The following LAMA3 variants were observed in gnomAD, a reference collection of about 807,000 sequenced individuals.
LAMA3 encodes laminin subunit alpha 3, also known as laminin subunit alpha-3.
Under a neutral mutation model 402.0 loss-of-function variants are expected in LAMA3, and 281 were observed. The observed-to-expected ratio is 0.70, with a 90% CI of 0.63 to 0.77. LAMA3 has a LOEUF of 0.77. Among genes scored for constraint, LAMA3 ranks in the 30% least tolerant of loss-of-function variants. The pLI is 0.00. For synonymous variants in LAMA3, 1,431 were observed against 1,558.4 expected (o/e 0.92, Z 1.93); for missense variants, 3,840 against 4,215.5 (o/e 0.91, Z 2.47).
At chr18:23,727,306 TTTGATTGATTGA>T (rs71163638) in intron 2 of LAMA3, among the ~76,000 whole-genome samples, 5 of 148,952 alleles carry the variant, frequency 3.4e-5, no homozygotes, top group South Asian at 2.1e-4. Flanking sequence ...TCTGTCCTTG[TTTGATTGATTGA>T]TTGATTGATT....
rs747580864 is a variant in LAMA3 at position 23,784,026 on chromosome 18, G to A, written c.1472G>A (p.Cys491Tyr). The A allele has an allele frequency of 1.2e-6, 2 of 1,614,164 alleles. No homozygotes were observed. The highest frequency in any genetic ancestry group is 3.3e-5 in the Admixed American group (2 of 60,022). ...EDPVAGDIKG[C>Y]DCNLEGVLPE... ...GAAAGTTTCCTGTCTTCTGCAGGGT[G>A]TGACTGTAATCTGGAAGGTGTTCTC... The change falls in exon 12 of 75, where the codon TGT becomes TAT. Residue 491 changes from cysteine (C) to tyrosine (Y), a missense_variant. This residue lies in a region of LAMA3 where 2,109 missense variants were observed against 2,376.0 expected (regional missense o/e 0.89). Coordinates refer to ENST00000313654, the MANE Select transcript of LAMA3 (RefSeq NM_198129.4).
Position 23,951,777 on chromosome 18 carries a change from G to C in LAMA3, c.9736G>C (p.Val3246Leu). ...TGATGGACAGTGGCACTCGGTGGCA[G>C]GTATGTTGTCCAGTAGCTGATTGTT... ...LCDGQWHSVAVTIKQHILHLE... is the reference protein window; with the variant it reads ...LCDGQWHSVALTIKQHILHLE... Residue 3246 changes from valine (V) to leucine (L), a missense_variant and splice_region_variant, in exon 73 of 75, where the codon GTC becomes CTC. Physicochemically the swap from Val to Leu is conservative, Grantham distance 32 (BLOSUM62 1). Coordinates refer to ENST00000313654, the MANE Select transcript of LAMA3 (RefSeq NM_198129.4). 1 of 1,611,194 alleles carries C rather than the reference G, an allele frequency of 6.2e-7. No homozygotes were observed.
At position 23,895,005 on chromosome 18, in the gene LAMA3, G is replaced by A. The variant is rs778590407; in HGVS notation, c.5560G>A (p.Ala1854Thr). 34 of 1,612,736 alleles carry A rather than the reference G, an allele frequency of 2.1e-5. 1 individual carries two copies. The highest frequency in any genetic ancestry group is 2.0e-4 in the Admixed American group (12 of 59,808). The change falls in exon 44 of 75, where the codon GCA becomes ACA. Residue 1854 changes from alanine to threonine, a missense_variant. Physicochemically the swap from Ala to Thr is moderately conservative, Grantham distance 58. Coordinates refer to ENST00000313654, the MANE Select transcript of LAMA3 (RefSeq NM_198129.4). ...TCAGCTGCAGGGCCTGAGTGCCAGC[G>A]CAGGGCTTCTGGAGCAGATGAGGCA... ...KSQLQGLSAS[A>T]GLLEQMRHME...
rs374822187 is a variant in LAMA3 at position 23,884,390 on chromosome 18, T to C, written c.5223-383T>C. Among the ~76,000 whole-genome samples the C allele has an allele frequency of 8.1e-4, 124 of 152,346 alleles. 4 individuals are homozygous for C. The South Asian group carries it at 0.024, about 30-fold the overall frequency. On this transcript the variant is annotated intron_variant, in intron 40 of 74. Coordinates refer to ENST00000313654, the MANE Select transcript of LAMA3 (RefSeq NM_198129.4). ...CTAGAATCAACAAGGAGAACGTTTT[T>C]TTTTAAAGAATCAGAACTCTCTGTT...
At position 23,951,750 on chromosome 18, in the gene LAMA3, T is replaced by C. The variant is rs760017372; in HGVS notation, c.9709T>C (p.Cys3237Arg). 3 of 1,613,932 alleles carry C rather than the reference T, an allele frequency of 1.9e-6. No homozygotes were observed. The highest frequency in any genetic ancestry group is 1.1e-5 in the South Asian group (1 of 91,060). ...GTCGGTCACACCAAAGCAGTCTCTG[T>C]GTGATGGACAGTGGCACTCGGTGGC... is the stretch of plus-strand genomic sequence containing the variant. ...STSVTPKQSL[C>R]DGQWHSVAVT... Residue 3237 changes from cysteine (C) to arginine (R), a missense_variant, in exon 73 of 75, where the codon TGT (cysteine) becomes CGT (arginine). Around this residue, in one of 3 missense-constraint regions of LAMA3, gnomAD observed 840 missense variants for 981.9 expected, o/e 0.86. Transcript: ENST00000313654.
At chr18:23,842,547 T>C (rs1328862404) in intron 28 of LAMA3, 26 bp downstream of exon 28, 1 of 1,614,250 alleles carries the variant, frequency 6.2e-7, no homozygotes, top group Non-Finnish European at 8.5e-7. Flanking sequence ...CAGGCCCTGC[T>C]GCCTGCCTCA....
intron 32 of LAMA3, among the ~76,000 whole-genome samples, chr18:23,854,841 T>G (rs1350069758): frequency 1.3e-5 from 2 of 150,240 alleles, no homozygotes; most frequent in African/African-American, 4.9e-5. Context: ...AAAAATTAGC[T>G]GGGCATGGTG....
intron 52 of LAMA3, among the ~76,000 whole-genome samples, chr18:23,906,060 G>A (rs1264022190): frequency 7.2e-5 from 11 of 152,006 alleles, no homozygotes; most frequent in Non-Finnish European, 1.2e-4. Context: ...CCACCATGCC[G>A]GGCCCAGATA....
chr18:23,767,289 A>G (rs2062095169), intron 8 of LAMA3, among the ~76,000 whole-genome samples: 1 of 152,228 alleles, frequency 6.6e-6, no homozygotes, highest in Non-Finnish European at 1.5e-5. Context: ...TACAGTGGCC[A>G]TACTGCCCAA....
intron 32 of LAMA3, 81 bp downstream of exon 32, chr18:23,847,749 T>C: frequency 7.1e-7 from 1 of 1,412,020 alleles, no homozygotes; most frequent in Middle Eastern, 2.3e-4. Context: ...ATCGTCACTT[T>C]CCACTTCCCA....
chr18:23,800,774 T>C, intron 12 of LAMA3, among the ~76,000 whole-genome samples: 1 of 152,188 alleles, frequency 6.6e-6, no homozygotes. Flanking sequence ...AGTGAGAACA[T>C]GCAGAATTTA....
intron 60 of LAMA3, 36 bp from the exon 61 acceptor site, chr18:23,920,899 A>G: frequency 6.2e-7 from 1 of 1,613,026 alleles, no homozygotes; most frequent in Non-Finnish European, 8.5e-7. Flanking sequence ...TCTTCAGCCA[A>G]GCCTTCTGGT....
At chr18:23,789,817 T>C (rs531508436) in intron 12 of LAMA3, among the ~76,000 whole-genome samples, 14 of 152,330 alleles carry the variant, frequency 9.2e-5, no homozygotes, top group African/African-American at 3.4e-4. Context: ...GTGAATTGTA[T>C]GGTATATGAA....
intron 66 of LAMA3, chr18:23,932,664 T>A (rs1348203293): frequency 2.2e-5 from 5 of 230,540 alleles, no homozygotes; most frequent in African/African-American, 1.1e-4. Context: ...GGACCAGTGC[T>A]GTGCTAGGAA....
chr18:23,932,332 C>A, intron 66 of LAMA3, 41 bp downstream of exon 66: 1 of 1,609,108 alleles, frequency 6.2e-7, no homozygotes, highest in Non-Finnish European at 8.5e-7. Flanking sequence ...TGAGAACGGC[C>A]TGCCCATGGG....
intron 32 of LAMA3, among the ~76,000 whole-genome samples, chr18:23,851,887 C>G (rs1293400066): frequency 6.6e-6 from 1 of 152,160 alleles, no homozygotes; most frequent in Non-Finnish European, 1.5e-5. Context: ...CTCCTGAATT[C>G]TACAATACTG....
chr18:23,837,077 C>T lies in LAMA3; in HGVS notation c.3081C>T (p.Ala1027=), dbSNP rs1340381405. The change falls in exon 25 of 75, where the codon GCC becomes GCT. Residue 1027 remains alanine, a synonymous_variant. Coordinates refer to ENST00000313654, the MANE Select transcript of LAMA3 (RefSeq NM_198129.4). ...DADIQLKGHM[A]RFLLHQVCII... The stretch of plus-strand genomic sequence containing the variant: ...ACATTCAGCTCAAGGGACACATGGC[C>T]CGATTCCTTCTGGTATGCTTCTGTT... 1 of 1,607,408 alleles carries T rather than the reference C, an allele frequency of 6.2e-7. No individual in the cohort carries two copies. Among genetic ancestry groups the T allele is most frequent in the Admixed American group, 1.7e-5 (1 of 59,982 alleles).
chr18:23,738,110 A>C (rs868152298), intron 2 of LAMA3, among the ~76,000 whole-genome samples: 2 of 152,180 alleles, frequency 1.3e-5, no homozygotes, highest in Middle Eastern at 3.4e-3. Context: ...GCAAGCCTGG[A>C]CTGGGACCTG....
rs2081057617 is a variant in LAMA3 at position 23,901,184 on chromosome 18, C to T, written c.6062C>T (p.Ala2021Val). 1 of 1,614,192 alleles carries T rather than the reference C, an allele frequency of 6.2e-7. No homozygotes were observed. The highest frequency in any genetic ancestry group is 8.5e-7 in the Non-Finnish European group (1 of 1,180,018). The change falls in exon 48 of 75, where the codon GCT (alanine) becomes GTT (valine). Residue 2021 changes from alanine to valine, a missense_variant. By Grantham distance (64) the Ala-to-Val change is moderately conservative. This residue lies in a region of LAMA3 where 891 missense variants were observed against 857.5 expected (regional missense o/e 1.04). Coordinates refer to ENST00000313654, the MANE Select transcript of LAMA3 (RefSeq NM_198129.4). The part of the protein sequence containing the change: ...KTHQGENNGL[A>V]NSIRDSLNEY... The stretch of plus-strand genomic sequence containing the variant: ...CACCAGGGGGAGAACAATGGGCTTG[C>T]TAACAGTATCCGGGATTCTTTAAAT...
Sources: gnomAD v4.1 joint callset for allele counts (sites outside exome capture counted in the v4.1 genomes callset) on GRCh38, gnomAD v4.1.1 for gene constraint, gnomAD v4.1.1 regional missense constraint, MANE v1.5 for transcripts, NCBI Gene and HGNC (gene_info 2026-07-23, HGNC 2026-07-21) for gene names.